Variants in DHRS3 observed in about 807,000 individuals in gnomAD.
DHRS3 encodes dehydrogenase/reductase 3, also known as short-chain dehydrogenase/reductase 3.
In DHRS3, 14 loss-of-function variants were observed where a neutral mutation model predicts 27.2. The observed-to-expected ratio is 0.52, with a 90% CI of 0.34 to 0.81. The LOEUF is 0.81. Ranked by LOEUF, DHRS3 falls within the 30% of genes least tolerant of loss-of-function variation. The pLI, the probability that DHRS3 is intolerant of heterozygous loss-of-function variation, is 0.01. For synonymous variants in DHRS3, 165 were observed against 175.9 expected (o/e 0.94, Z 0.49); for missense variants, 322 against 406.2 (o/e 0.79, Z 1.78).
intron 4 of DHRS3, among the ~76,000 whole-genome samples, chr1:12,576,378 C>T (rs894324734): frequency 1.2e-4 from 18 of 151,958 alleles, no homozygotes; most frequent in South Asian, 6.2e-4. Context: ...CTGGCTAACA[C>T]GGTGAAACCC....
intron 1 of DHRS3, 104 bp from the exon 2 acceptor site, chr1:12,580,770 A>G: frequency 7.3e-7 from 1 of 1,370,198 alleles, no homozygotes; most frequent in Non-Finnish European, 1.0e-6. Flanking sequence ...TCTTGAAATG[A>G]CTGGCCTCCC....
At chr1:12,612,827 G>A (rs1196002407) in intron 1 of DHRS3, among the ~76,000 whole-genome samples, 1 of 152,156 alleles carries the variant, frequency 6.6e-6, no homozygotes, top group African/African-American at 2.4e-5. Context: ...GGGAGGCTGA[G>A]GCAGGTGGAT....
chr1:12,602,942 G>C (rs1646845350), intron 1 of DHRS3, among the ~76,000 whole-genome samples: 1 of 152,256 alleles, frequency 6.6e-6, no homozygotes, highest in Non-Finnish European at 1.5e-5. Flanking sequence ...CTTTGGGGCT[G>C]GGGTTGTCAA....
intron 1 of DHRS3, among the ~76,000 whole-genome samples, chr1:12,609,429 C>A (rs527743348): frequency 2.6e-5 from 4 of 152,180 alleles, no homozygotes; most frequent in Admixed American, 1.3e-4. Context: ...CCTCCCACCC[C>A]CTCCAACAGT....
chr1:12,597,028 A>G (rs944175618), intron 1 of DHRS3, among the ~76,000 whole-genome samples: 1 of 152,096 alleles, frequency 6.6e-6, no homozygotes, highest in African/African-American at 2.4e-5. Context: ...GGACCTCATT[A>G]ACTAATGATC....
intron 1 of DHRS3, among the ~76,000 whole-genome samples, chr1:12,595,769 C>G (rs1016253390): frequency 6.7e-6 from 1 of 149,602 alleles, no homozygotes; most frequent in South Asian, 2.1e-4. Context: ...GGTTGGGATC[C>G]CGGGTGCAGC....
At chr1:12,583,227 C>T (rs1245827722) in intron 1 of DHRS3, among the ~76,000 whole-genome samples, 1 of 147,506 alleles carries the variant, frequency 6.8e-6, no homozygotes, top group Non-Finnish European at 1.5e-5. Flanking sequence ...CATCCCTCAC[C>T]TACCCCACTG....
intron 1 of DHRS3, among the ~76,000 whole-genome samples, chr1:12,603,836 T>C (rs4845909): frequency 0.44 from 66,634 of 152,006 alleles, 15,755 homozygotes; most frequent in South Asian, 0.54. Context: ...AGGCTGACCA[T>C]TGGTGGCCTT....
chr1:12,585,219 G>GTGTCTCTGTGAGTGTGTGTCTCTGTA, intron 1 of DHRS3, among the ~76,000 whole-genome samples: 1 of 13,242 alleles, frequency 7.6e-5, no homozygotes, highest in South Asian at 3.0e-3. Context: ...GTATCTCTGT[G>GTGTCTCTGTGAGTGTGTGTCTCTGTA]TGTGTGTGTC....
chr1:12,600,410 A>G (rs1646827577), intron 1 of DHRS3: 1 of 985,168 alleles, frequency 1.0e-6, no homozygotes, highest in Admixed American at 6.2e-5. Flanking sequence ...CTGTGTGCTC[A>G]TAGGGAAGTG....
rs970188228 is a variant in DHRS3 at position 12,608,633 on chromosome 1, T to C, written c.195+8521A>G. On this transcript the variant is annotated intron_variant, in intron 1 of 5. Transcript: ENST00000616661. This position sits in a 1 kb window ranked among gnomAD's most constrained non-coding sequence, Gnocchi z 4.1. ...GACAATGACTCACAGAATCAAAGGGTAGAAGGGACCTAGGAGGTTGTCCAG... is the reference window on the plus strand; with the variant it reads ...GACAATGACTCACAGAATCAAAGGGCAGAAGGGACCTAGGAGGTTGTCCAG... Among the ~76,000 whole-genome samples, 10 of 151,964 alleles carry C rather than the reference T, an allele frequency of 6.6e-5. No individual in the cohort carries two copies. The highest frequency in any genetic ancestry group is 1.5e-5 in the Non-Finnish European group (1 of 68,004).
rs748171248 is a variant in DHRS3 at position 12,574,649 on chromosome 1, A to G, written c.699-1796T>C. Among the ~76,000 whole-genome samples, 1 of 152,224 alleles carries G rather than the reference A, an allele frequency of 6.6e-6. No individual in the cohort carries two copies. The highest frequency in any genetic ancestry group is 1.5e-5 in the Non-Finnish European group (1 of 68,040). On this transcript the variant is annotated intron_variant, in intron 4 of 5. Coordinates refer to ENST00000616661, the MANE Select transcript of DHRS3 (RefSeq NM_004753.7). This position sits in a 1 kb window ranked among gnomAD's most constrained non-coding sequence, Gnocchi z 4.6. ...GCCTGTCTCTTGGGAAAGGGAAGGCAGGATGGACAGACCAAAGTCCATGGG... is the reference window on the plus strand; with the variant it reads ...GCCTGTCTCTTGGGAAAGGGAAGGCGGGATGGACAGACCAAAGTCCATGGG...
In DHRS3 at chr1:12,608,751, C is replaced by A. The variant is rs79849900; in HGVS notation, c.195+8403G>T. On this transcript the variant is annotated intron_variant, in intron 1 of 5. Coordinates refer to ENST00000616661, the MANE Select transcript of DHRS3 (RefSeq NM_004753.7). This position sits in a 1 kb window ranked among gnomAD's most constrained non-coding sequence, Gnocchi z 4.1. The stretch of plus-strand genomic sequence containing the variant: ...GCAGGAAGGTGTTCCTCTTGCAGGG[C>A]CCAGGTCTGCATTTTCGAGCCCTCC... Among the ~76,000 whole-genome samples the A allele has an allele frequency of 1.3e-5, 2 of 152,322 alleles. No homozygotes were observed. The highest frequency in any genetic ancestry group is 3.9e-4 in the East Asian group (2 of 5,190).
In DHRS3 at chr1:12,578,612, C is replaced by T; in HGVS notation, c.698+106G>A. 1.7e-6 allele frequency: 2 copies of T among 1,194,528 alleles called. No homozygotes were observed. The highest frequency in any genetic ancestry group is 2.4e-6 in the Non-Finnish European group (2 of 818,592). 74.0% of individuals were successfully genotyped at this position (1,194,528 alleles called of 1,614,324 possible). On this transcript the variant is annotated intron_variant, in intron 4 of 5. Transcript: ENST00000616661. The surrounding 1 kb of genome is among the most constrained non-coding windows in gnomAD (Gnocchi z 4.5). ...AGGATTATAGGTATGAGGCACCGTG[C>T]CTAGCCCGATTTTTATATCAGAGCT...
chr1:12,573,308 G>C (rs986638618), intron 4 of DHRS3, among the ~76,000 whole-genome samples: 1 of 152,138 alleles, frequency 6.6e-6, no homozygotes, highest in African/African-American at 2.4e-5. Context: ...CTCCTCCTTT[G>C]GGAGACATTT....
chr1:12,588,878 G>T (rs565431144), intron 1 of DHRS3, among the ~76,000 whole-genome samples: 2 of 152,346 alleles, frequency 1.3e-5, no homozygotes, highest in South Asian at 2.1e-4. Context: ...CCCTGGGCAG[G>T]TCTTTGGCAG....
intron 1 of DHRS3, chr1:12,616,652 A>T: frequency 1.0e-6 from 1 of 993,752 alleles, no homozygotes; most frequent in Non-Finnish European, 1.2e-6. Context: ...TCCCTTTTCA[A>T]ACCCAAACCA....
rs1043648595 is a variant in DHRS3 at position 12,608,403 on chromosome 1, C to A, written c.195+8751G>T. On this transcript the variant is annotated intron_variant, in intron 1 of 5. Transcript: ENST00000616661. The surrounding 1 kb of genome is among the most constrained non-coding windows in gnomAD (Gnocchi z 4.1). ...GATGTGAGTCTGTGCCCACCCTGCA[C>A]CCTCTTGCCTCCTCCCTGCTCCCCA... is the stretch of plus-strand genomic sequence containing the variant. Among the ~76,000 whole-genome samples, 4 of 152,166 alleles carry A rather than the reference C, an allele frequency of 2.6e-5. No individual in the cohort carries two copies. The highest frequency in any genetic ancestry group is 9.7e-5 in the African/African-American group (4 of 41,448).
At chr1:12,596,377 G>C (rs1391683834) in intron 1 of DHRS3, 1 of 152,274 alleles carries the variant, frequency 6.6e-6, no homozygotes, top group East Asian at 1.9e-4. Flanking sequence ...GAAGAGATTG[G>C]GGAGGTGCCT....
Sources: gnomAD v4.1 joint callset for allele counts (sites outside exome capture counted in the v4.1 genomes callset) on GRCh38, gnomAD v4.1.1 for gene constraint, Gnocchi (gnomAD v3.1) non-coding constraint, MANE v1.5 for transcripts, NCBI Gene and HGNC (gene_info 2026-07-23, HGNC 2026-07-21) for gene names.